Variants in CEP152 observed in about 807,000 individuals in gnomAD.
CEP152 encodes centrosomal protein of 152 kDa.
In CEP152, 132 loss-of-function variants were observed where a neutral mutation model predicts 188.9. The ratio of observed to expected loss-of-function variants is 0.70; its 90% CI spans 0.61 to 0.81. CEP152 has a LOEUF of 0.81. CEP152 is among the 30% of genes least tolerant of loss of function. CEP152 has a pLI of 0.00. For synonymous variants in CEP152, 649 were observed against 666.6 expected, an observed-to-expected ratio of 0.97 and a Z score of 0.41; for missense variants, 1,914 against 1,969.8, an observed-to-expected ratio of 0.97 and a Z score of 0.54.
At chr15:48,772,744 G>T in intron 12 of CEP152, 53 bp from the exon 13 acceptor site, 1 of 1,489,152 alleles carries the variant, frequency 6.7e-7, no homozygotes, top group South Asian at 1.1e-5. Flanking sequence ...AATCAGACAT[G>T]GTTATTCCCT....
intron 18 of CEP152, 22 bp from the exon 19 acceptor site, chr15:48,760,288 A>G (rs981484074): frequency 1.2e-6 from 2 of 1,613,726 alleles, no homozygotes; most frequent in Admixed American, 3.3e-5. Context: ...TGCAAAAGAA[A>G]GAGGTAAAGG....
chr15:48,780,124 A>G (rs1308844283), intron 12 of CEP152, among the ~76,000 whole-genome samples: 2 of 152,212 alleles, frequency 1.3e-5, no homozygotes, highest in Non-Finnish European at 2.9e-5. Flanking sequence ...AATAAATCTA[A>G]GTCAATATGG....
intron 23 of CEP152, 144 bp from the exon 24 acceptor site, chr15:48,744,487 A>G: frequency 2.9e-6 from 4 of 1,395,264 alleles, no homozygotes; most frequent in Non-Finnish European, 3.9e-6. Flanking sequence ...CTATACAGTT[A>G]TTTAAAATAG....
intron 22 of CEP152, among the ~76,000 whole-genome samples, chr15:48,746,351 A>G (rs922965925): frequency 2.0e-5 from 3 of 152,166 alleles, no homozygotes; most frequent in Non-Finnish European, 2.9e-5. Flanking sequence ...TTTATAAATA[A>G]TAGTCATATC....
chr15:48,737,868 G>T, downstream of CEP152: 1 of 170,920 alleles, frequency 5.9e-6, no homozygotes, highest in Non-Finnish European at 1.3e-5. Flanking sequence ...TTTTTTTCTG[G>T]GTGAATTTCA....
At chr15:48,741,345 T>G (rs1369417757) in intron 26 of CEP152, 32 of 1,273,924 alleles carry the variant, frequency 2.5e-5, no homozygotes, top group Non-Finnish European at 3.2e-5. Flanking sequence ...TCTCATTCTT[T>G]ATTTGCTGTT....
intron 18 of CEP152, among the ~76,000 whole-genome samples, chr15:48,761,011 A>T (rs1407763423): frequency 6.6e-6 from 1 of 152,174 alleles, no homozygotes; most frequent in Non-Finnish European, 1.5e-5. Flanking sequence ...ACAAACTCCA[A>T]GGAGTTAAGA....
chr15:48,785,911 A>C (rs983153525), intron 9 of CEP152, among the ~76,000 whole-genome samples: 2 of 138,474 alleles, frequency 1.4e-5, no homozygotes, highest in African/African-American at 6.1e-5. Context: ...ATCTCAAAAA[A>C]AAAAAAAAAG....
At position 48,772,545 on chromosome 15, in the gene CEP152, T is replaced by C; in HGVS notation, c.1724A>G (p.His575Arg). The C allele has an allele frequency of 6.2e-7, 1 of 1,614,052 alleles. No individual in the cohort carries two copies. The highest frequency in any genetic ancestry group is 8.5e-7 in the Non-Finnish European group (1 of 1,180,024). ...TTGGTGGAGATCTTCAATTTTCTTA[T>C]GACAGTCTTTGAGGTCATTTTGTAA... ...SQLQNDLKDCHKKIEDLHQVK... is the reference protein window; with the variant it reads ...SQLQNDLKDCRKKIEDLHQVK... The change falls in exon 13 of 27, where the codon CAT becomes CGT. Residue 575 changes from histidine to arginine, a missense_variant. Coordinates refer to ENST00000380950, the MANE Select transcript of CEP152 (RefSeq NM_001194998.2).
intron 17 of CEP152, 48 bp from the exon 18 acceptor site, chr15:48,762,720 T>G (rs1482090027): frequency 6.3e-7 from 1 of 1,583,802 alleles, no homozygotes; most frequent in Non-Finnish European, 8.6e-7. Flanking sequence ...TTCAAATAAG[T>G]AAAAACTAGA....
intron 10 of CEP152, chr15:48,783,109 T>C (rs1896371315): frequency 6.6e-6 from 1 of 152,232 alleles, no homozygotes; most frequent in Non-Finnish European, 1.5e-5. Flanking sequence ...ATATATCAGT[T>C]AATGAATAAC....
At chr15:48,784,379 A>G (rs1340066323) in intron 9 of CEP152, among the ~76,000 whole-genome samples, 20 of 152,348 alleles carry the variant, frequency 1.3e-4, no homozygotes, top group South Asian at 2.1e-4. Flanking sequence ...CTTCAACTCT[A>G]TATTCACAAG....
At chr15:48,781,771 T>A (rs1896257546) in intron 11 of CEP152, among the ~76,000 whole-genome samples, 1 of 152,126 alleles carries the variant, frequency 6.6e-6, no homozygotes, top group South Asian at 2.1e-4. Flanking sequence ...CTCCCATATT[T>A]TCCTCCCCCT....
chr15:48,741,787 T>C, intron 25 of CEP152, 83 bp from the exon 26 acceptor site: 2 of 1,610,378 alleles, frequency 1.2e-6, no homozygotes, highest in Non-Finnish European at 1.7e-6. Flanking sequence ...GTTTTCCTAT[T>C]GGCTCTGCCA....
chr15:48,744,790 T>C, intron 23 of CEP152, 106 bp downstream of exon 23: 1 of 1,062,334 alleles, frequency 9.4e-7, no homozygotes, highest in Non-Finnish European at 1.3e-6. Context: ...TTTCTTCTTT[T>C]TTATACTTTT....
chr15:48,748,335 A>C, intron 22 of CEP152, 108 bp downstream of exon 22: 1 of 1,308,234 alleles, frequency 7.6e-7, no homozygotes, highest in East Asian at 2.9e-5. Flanking sequence ...AGTTTATATT[A>C]ATCCCAAAAG....
Position 48,739,301 on chromosome 15 carries a change from A to C in CEP152, c.4094-13T>G, listed in dbSNP as rs763956961. 1 of 1,593,808 alleles carries C rather than the reference A, an allele frequency of 6.3e-7. No homozygotes were observed. ...GTTAGGGGCAGTGCTATTATGTGCA[A>C]GGAAACACGAAATTAAGAGAAAATT... On this transcript the variant is annotated splice_polypyrimidine_tract_variant and intron_variant, in intron 26 of 26. Transcript: ENST00000380950.
chr15:48,805,425 A>C (rs761243583), intron 2 of CEP152, 138 bp downstream of exon 2: 51 of 1,177,548 alleles, frequency 4.3e-5, no homozygotes, highest in Non-Finnish European at 5.3e-5. Flanking sequence ...AATAGCAAGC[A>C]GATTTTAGGG....
intron 9 of CEP152, among the ~76,000 whole-genome samples, chr15:48,787,195 T>C (rs1595678393): frequency 3.6e-5 from 3 of 82,398 alleles, no homozygotes; most frequent in African/African-American, 8.2e-5. Flanking sequence ...GGAAAAAGAG[T>C]CTCACTCTGT....
Sources: gnomAD v4.1 joint callset for allele counts (sites outside exome capture counted in the v4.1 genomes callset) on GRCh38, gnomAD v4.1.1 for gene constraint, MANE v1.5 for transcripts, NCBI Gene and HGNC (gene_info 2026-07-23, HGNC 2026-07-21) for gene names.